The following CHD9 variants were observed in gnomAD, a reference collection of about 807,000 sequenced individuals.
CHD9 encodes ATP-dependent chromatin remodeler CHD9.
In CHD9, 77 loss-of-function variants were observed where a neutral mutation model predicts 316.1. The ratio of observed to expected loss-of-function variants is 0.24; its 90% CI spans 0.20 to 0.29. The LOEUF (loss-of-function observed/expected upper bound fraction) is 0.29. CHD9 is among the 10% of genes least tolerant of loss of function. The pLI, the probability that CHD9 is intolerant of heterozygous loss-of-function variation, is 1.00. For synonymous variants in CHD9, 1,129 were observed against 1,158.3 expected, an observed-to-expected ratio of 0.97 and a Z score of 0.51; for missense variants, 2,763 against 3,438.1, an observed-to-expected ratio of 0.80 and a Z score of 4.91.
intron 2 of CHD9, among the ~76,000 whole-genome samples, chr16:53,205,650 G>C (rs2045840616): frequency 6.6e-6 from 1 of 152,120 alleles, no homozygotes; most frequent in South Asian, 2.1e-4. Context: ...GATTTATTAA[G>C]GTTTATTAAA....
chr16:53,079,213 A>G (rs1283627199), intron 1 of CHD9, among the ~76,000 whole-genome samples: 2 of 152,330 alleles, frequency 1.3e-5, no homozygotes, highest in East Asian at 3.9e-4. Context: ...AACTTCCACC[A>G]TTGGCTGTTC....
At chr16:53,167,364 T>C (rs894126149) in intron 2 of CHD9, among the ~76,000 whole-genome samples, 2 of 152,186 alleles carry the variant, frequency 1.3e-5, no homozygotes, top group Non-Finnish European at 2.9e-5. Flanking sequence ...ATTAGATGTC[T>C]GCCATATGTA....
chr16:53,209,850 T>C (rs368779362), intron 3 of CHD9, 37 bp downstream of exon 3: 28 of 1,381,530 alleles, frequency 2.0e-5, no homozygotes, highest in Admixed American at 1.9e-4. Flanking sequence ...TTCCTTTCAA[T>C]GTTCTGTTAA....
intron 1 of CHD9, among the ~76,000 whole-genome samples, chr16:53,096,089 T>C (rs1324899774): frequency 6.7e-6 from 1 of 150,266 alleles, no homozygotes; most frequent in Non-Finnish European, 1.5e-5. Flanking sequence ...ATAGGGTCTC[T>C]AAAACTCAGG....
chr16:53,239,783 G>T (rs1323207569), intron 12 of CHD9, among the ~76,000 whole-genome samples: 1 of 152,076 alleles, frequency 6.6e-6, no homozygotes, highest in Non-Finnish European at 1.5e-5. Context: ...TCACACCACT[G>T]CACTGAAGCC....
Position 53,133,900 on chromosome 16 carries a change from A to G in CHD9, c.-164-22026A>G, listed in dbSNP as rs533779544. On this transcript the variant is annotated intron_variant, in intron 1 of 38. Transcript: ENST00000447540. The stretch of plus-strand genomic sequence containing the variant: ...GCTGAAGGAGGGGCTCGATATATGA[A>G]TATAAGAGGCAAGAACTGAAGTAGA... 4.8e-4 allele frequency among the ~76,000 whole-genome samples: 73 copies of G among 152,340 alleles called. 2 individuals carry two copies. In the South Asian group the frequency reaches 0.013, roughly 28 times the overall value.
intron 2 of CHD9, among the ~76,000 whole-genome samples, chr16:53,206,799 T>C (rs2045930509): frequency 6.6e-6 from 1 of 152,242 alleles, no homozygotes. Flanking sequence ...ATCAGAGTAT[T>C]TCTCTCATTA....
chr16:53,110,748 A>G (rs79998089), intron 1 of CHD9, among the ~76,000 whole-genome samples: 5,401 of 152,312 alleles, frequency 0.035, 280 homozygotes, highest in East Asian at 0.11. Flanking sequence ...GGTGATGGTG[A>G]GACTCCATCT....
At chr16:53,133,306 C>T (rs2039469342) in intron 1 of CHD9, among the ~76,000 whole-genome samples, 1 of 152,108 alleles carries the variant, frequency 6.6e-6, no homozygotes, top group Non-Finnish European at 1.5e-5. Context: ...TAGTCAAAAA[C>T]ATACTAAGTA....
chr16:53,218,639 T>A (rs1193505252), intron 3 of CHD9, among the ~76,000 whole-genome samples: 1 of 152,198 alleles, frequency 6.6e-6, no homozygotes, highest in East Asian at 1.9e-4. Context: ...TCTCATTTCA[T>A]TGAAGTTTTT....
At chr16:53,166,499 A>C (rs1394099231) in intron 2 of CHD9, among the ~76,000 whole-genome samples, 1 of 152,122 alleles carries the variant, frequency 6.6e-6, no homozygotes, top group Non-Finnish European at 1.5e-5. Flanking sequence ...CCTTAGGACT[A>C]CTCAGTCACT....
chr16:53,187,739 A>G lies in CHD9; in HGVS notation c.1453-21743A>G, dbSNP rs114730246. The stretch of plus-strand genomic sequence containing the variant: ...GAGGGGAAAAACAAAAGATTATTGA[A>G]TAACTATAAGAAGTAACTGGTGACC... On this transcript the variant is annotated intron_variant, in intron 2 of 38. Transcript: ENST00000447540. 3.4e-3 allele frequency among the ~76,000 whole-genome samples: 513 copies of G among 152,332 alleles called. 1 individual carries two copies. The highest frequency in any genetic ancestry group is 0.012 in the African/African-American group (480 of 41,568).
chr16:53,321,295 T>A (rs1598019554), intron 37 of CHD9: 2 of 1,344,018 alleles, frequency 1.5e-6, no homozygotes, highest in East Asian at 6.7e-5. Flanking sequence ...ATTTTACTGT[T>A]CTAGTTATTC....
chr16:53,168,432 T>G (rs2042428491), intron 2 of CHD9: 1 of 152,078 alleles, frequency 6.6e-6, no homozygotes, highest in African/African-American at 2.4e-5. Context: ...GGAATATATA[T>G]AGATATATTA....
intron 1 of CHD9, among the ~76,000 whole-genome samples, chr16:53,151,365 C>A (rs1181404905): frequency 6.6e-6 from 1 of 151,816 alleles, no homozygotes; most frequent in African/African-American, 2.4e-5. Context: ...GATTCTCCTG[C>A]CTCAGCCTCT....
chr16:53,314,004 G>T (rs542721484), intron 34 of CHD9, among the ~76,000 whole-genome samples: 1 of 151,844 alleles, frequency 6.6e-6, no homozygotes, highest in East Asian at 1.9e-4. Flanking sequence ...AAGATATTTG[G>T]CACAAAAAGC....
intron 34 of CHD9, among the ~76,000 whole-genome samples, chr16:53,310,388 A>C (rs1222136185): frequency 1.3e-5 from 2 of 152,138 alleles, no homozygotes; most frequent in Admixed American, 1.3e-4. Context: ...CTTTTGCCCA[A>C]CCTCAGTGGG....
At chr16:53,120,920 C>T (rs62047982) in intron 1 of CHD9, among the ~76,000 whole-genome samples, 40,708 of 152,032 alleles carry the variant, frequency 0.27, 5,740 homozygotes, top group Admixed American at 0.36. Flanking sequence ...GCAGGAGAAT[C>T]ACTTGAACAT....
At chr16:53,300,154 C>A (rs1597898694) in intron 30 of CHD9, among the ~76,000 whole-genome samples, 1 of 152,190 alleles carries the variant, frequency 6.6e-6, no homozygotes, top group South Asian at 2.1e-4. Context: ...GAGTTCGAGA[C>A]CAGCCTGGCC....
Sources: allele counts gnomAD v4.1 joint callset (sites outside exome capture counted in the v4.1 genomes callset), GRCh38; gene constraint gnomAD v4.1.1; transcripts MANE v1.5; gene names NCBI Gene and HGNC (gene_info 2026-07-23, HGNC 2026-07-21).